The following PDZD8 variants were observed in gnomAD, a reference collection of about 807,000 sequenced individuals.
PDZD8 encodes PDZ domain-containing protein 8.
In PDZD8, 14 loss-of-function variants were observed where a neutral mutation model predicts 85.8. The ratio of observed to expected loss-of-function variants is 0.16; its 90% CI spans 0.11 to 0.26. The LOEUF (loss-of-function observed/expected upper bound fraction) is 0.26. PDZD8 is among the 10% of genes least tolerant of loss of function. The pLI, the probability that PDZD8 is intolerant of heterozygous loss-of-function variation, is 1.00. For missense variants in PDZD8, 1,197 were observed against 1,424.3 expected, an observed-to-expected ratio of 0.84 and a Z score of 2.57; for synonymous variants, 592 against 568.6, an observed-to-expected ratio of 1.04 and a Z score of -0.59.
At chr10:117,347,284 G>A (rs979047162) in intron 1 of PDZD8, among the ~76,000 whole-genome samples, 8 of 152,152 alleles carry the variant, frequency 5.3e-5, no homozygotes, top group Non-Finnish European at 8.8e-5. Flanking sequence ...GGCTTCCTCT[G>A]TAATAAATAA....
chr10:117,318,186 G>A (rs764719481), intron 3 of PDZD8, among the ~76,000 whole-genome samples: 13 of 152,018 alleles, frequency 8.6e-5, no homozygotes, highest in African/African-American at 2.9e-4. Context: ...GATTTAACTG[G>A]GTGTCCTCTG....
chr10:117,300,625 G>A (rs1019672746), intron 3 of PDZD8, among the ~76,000 whole-genome samples: 1 of 152,152 alleles, frequency 6.6e-6, no homozygotes, highest in African/African-American at 2.4e-5. Context: ...CTAAATATAT[G>A]TGTTCCCCCA....
chr10:117,342,387 A>ATTTAGTGGCTTCTT (rs1844629208), intron 1 of PDZD8, among the ~76,000 whole-genome samples: 1 of 74,920 alleles, frequency 1.3e-5, no homozygotes, highest in Admixed American at 1.5e-4. Flanking sequence ...TGACCACACA[A>ATTTAGTGGCTTCTT]ACAGATACAC....
In PDZD8 at chr10:117,283,422, A is replaced by C. The variant is rs200316099; in HGVS notation, c.3311T>G (p.Leu1104Ter). ...YRAGIEDIET[L>*]ESLSLDQHSK... ...GTGCTGGTCTAAAGACAGACTTTCT[A>C]AAGTTTCTATATCTTCAATGCCTGC... is the stretch of plus-strand genomic sequence containing the variant. Residue 1104 changes from leucine (L) to a stop codon, truncating the protein, a stop_gained, in exon 5 of 5, where the codon TTA becomes TGA. Coordinates refer to ENST00000334464, the MANE Select transcript of PDZD8 (RefSeq NM_173791.5). LOFTEE classifies it high-confidence loss of function. 1 of 1,614,018 alleles carries C rather than the reference A, an allele frequency of 6.2e-7. No individual in the cohort carries two copies. The highest frequency in any genetic ancestry group is 8.5e-7 in the Non-Finnish European group (1 of 1,179,924).
chr10:117,296,336 G>A (rs914606430), intron 3 of PDZD8, among the ~76,000 whole-genome samples: 2 of 152,022 alleles, frequency 1.3e-5, no homozygotes, highest in Admixed American at 6.6e-5. Context: ...GCATTATTGT[G>A]AGAATTTTAA....
At chr10:117,312,925 G>T (rs1026883129) in intron 3 of PDZD8, among the ~76,000 whole-genome samples, 3 of 152,084 alleles carry the variant, frequency 2.0e-5, no homozygotes, top group Non-Finnish European at 4.4e-5. Flanking sequence ...TAAAATAAGG[G>T]TATAAAAAGA....
rs190867405 is a variant in PDZD8 at position 117,337,037 on chromosome 10, C to T, written c.995+3943G>A. On this transcript the variant is annotated intron_variant, in intron 2 of 4. Coordinates refer to ENST00000334464, the MANE Select transcript of PDZD8 (RefSeq NM_173791.5). The stretch of plus-strand genomic sequence containing the variant: ...CCAGGAGGTGGAGCTTGCAGTGAGC[C>T]GAGATCATGCCACTGCACTCCAGCC... Among the ~76,000 whole-genome samples the T allele has an allele frequency of 9.2e-3, 1,393 of 151,162 alleles. 12 individuals carry two copies. Among genetic ancestry groups the T allele is most frequent in the Middle Eastern group, 0.031 (9 of 294 alleles).
intron 3 of PDZD8, among the ~76,000 whole-genome samples, chr10:117,292,527 G>T (rs1040319616): frequency 6.6e-6 from 1 of 151,640 alleles, no homozygotes; most frequent in Non-Finnish European, 1.5e-5. Context: ...CCTAAACAGT[G>T]TAAGTCTGAG....
intron 1 of PDZD8, among the ~76,000 whole-genome samples, chr10:117,343,741 G>A (rs1020327228): frequency 1.3e-5 from 2 of 152,306 alleles, no homozygotes; most frequent in African/African-American, 4.8e-5. Context: ...TTTGCTAAGA[G>A]TGTTTATGCA....
At chr10:117,360,240 T>A (rs1423779215) in intron 1 of PDZD8, among the ~76,000 whole-genome samples, 1 of 152,192 alleles carries the variant, frequency 6.6e-6, no homozygotes, top group East Asian at 1.9e-4. Flanking sequence ...ACCACAGAGG[T>A]AAGGTATCAA....
intron 3 of PDZD8, among the ~76,000 whole-genome samples, chr10:117,306,675 A>G (rs1027829845): frequency 2.0e-5 from 3 of 151,896 alleles, no homozygotes; most frequent in African/African-American, 4.8e-5. Context: ...TTTTATAAAT[A>G]AGGTTTTTTT....
chr10:117,339,099 A>T (rs1844565068), intron 2 of PDZD8, among the ~76,000 whole-genome samples: 1 of 148,956 alleles, frequency 6.7e-6, no homozygotes, highest in South Asian at 2.2e-4. Context: ...ACATAATGAT[A>T]CACAATCCTG....
intron 1 of PDZD8, among the ~76,000 whole-genome samples, chr10:117,370,038 C>A (rs7907243): frequency 6.6e-6 from 1 of 151,918 alleles, no homozygotes; most frequent in Non-Finnish European, 1.5e-5. Context: ...GAATTATCCA[C>A]GTAGTAAAAG....
chr10:117,310,319 G>A (rs956796690), intron 3 of PDZD8, among the ~76,000 whole-genome samples: 12 of 152,082 alleles, frequency 7.9e-5, no homozygotes, highest in African/African-American at 2.7e-4. Context: ...CAGTACTACT[G>A]ATACTCACAG....
At chr10:117,368,783 T>C (rs1426307765) in intron 1 of PDZD8, among the ~76,000 whole-genome samples, 3 of 151,864 alleles carry the variant, frequency 2.0e-5, no homozygotes, top group African/African-American at 4.8e-5. Context: ...GAAAAATGGA[T>C]TGCATTTCAA....
chr10:117,305,570 G>T (rs1843929064), intron 3 of PDZD8, among the ~76,000 whole-genome samples: 1 of 150,930 alleles, frequency 6.6e-6, no homozygotes. Flanking sequence ...ATAGTACAAG[G>T]AATGAATCCT....
chr10:117,374,061 G>A lies in PDZD8; in HGVS notation c.872+295C>T, dbSNP rs1271760538. Among the ~76,000 whole-genome samples the A allele has an allele frequency of 6.6e-6, 1 of 152,180 alleles. No individual in the cohort carries two copies. The highest frequency in any genetic ancestry group is 2.4e-5 in the African/African-American group (1 of 41,448). ...CCAGAAGCGACTCCTGGGGATTAGGGTAGGCTTCCCTTCCATTTCCAATAT... is the reference window on the plus strand; with the variant it reads ...CCAGAAGCGACTCCTGGGGATTAGGATAGGCTTCCCTTCCATTTCCAATAT... On this transcript the variant is annotated intron_variant, in intron 1 of 4. Coordinates refer to ENST00000334464, the MANE Select transcript of PDZD8 (RefSeq NM_173791.5). This position sits in a 1 kb window ranked among gnomAD's most constrained non-coding sequence, Gnocchi z 7.8.
At chr10:117,335,807 A>G (rs963987204) in intron 2 of PDZD8, among the ~76,000 whole-genome samples, 1 of 152,220 alleles carries the variant, frequency 6.6e-6, no homozygotes, top group Non-Finnish European at 1.5e-5. Flanking sequence ...TCTTTGTATT[A>G]TGTTTTTTGT....
chr10:117,298,075 T>C (rs1173916373), intron 3 of PDZD8, among the ~76,000 whole-genome samples: 3 of 152,128 alleles, frequency 2.0e-5, no homozygotes, highest in Non-Finnish European at 4.4e-5. Context: ...TAAATTCAAC[T>C]TATGTCAATC....
Sources: allele counts gnomAD v4.1 joint callset (sites outside exome capture counted in the v4.1 genomes callset), GRCh38; gene constraint gnomAD v4.1.1; non-coding constraint Gnocchi (gnomAD v3.1); transcripts MANE v1.5; gene names NCBI Gene and HGNC (gene_info 2026-07-23, HGNC 2026-07-21).